TBC1D14: variants seen among roughly 807,000 people sequenced by gnomAD.
TBC1D14 encodes the protein TBC1 domain family member 14, also known as TBC1 domain family, member 14.
A neutral mutation model predicts 79.0 loss-of-function variants in TBC1D14; 26 were observed. That is an observed-to-expected ratio of 0.33 (90% CI 0.24 to 0.46). TBC1D14 has a LOEUF of 0.46. Among genes scored for constraint, TBC1D14 ranks in the 20% least tolerant of loss-of-function variants. TBC1D14 has a pLI of 1.00. For synonymous variants in TBC1D14, 394 were observed against 349.9 expected, an observed-to-expected ratio of 1.13 and a Z score of -1.40; for missense variants, 769 against 887.6, an observed-to-expected ratio of 0.87 and a Z score of 1.70.
chr4:6,953,454 T>C (rs1714286498), intron 2 of TBC1D14, among the ~76,000 whole-genome samples: 1 of 38,794 alleles, frequency 2.6e-5, no homozygotes, highest in African/African-American at 1.0e-4. Context: ...ACCCCGTCTC[T>C]ACTAAAAAAA....
At chr4:7,012,582 G>A (rs1157165111) in intron 11 of TBC1D14, among the ~76,000 whole-genome samples, 1 of 152,200 alleles carries the variant, frequency 6.6e-6, no homozygotes, top group Non-Finnish European at 1.5e-5. Flanking sequence ...AATTTGGTAA[G>A]TGATCAGTAG....
chr4:6,970,278 C>G (rs921689056), intron 3 of TBC1D14, among the ~76,000 whole-genome samples: 1 of 152,236 alleles, frequency 6.6e-6, no homozygotes, highest in African/African-American at 2.4e-5. Context: ...CCCAGCTCTG[C>G]TACGGTTTGG....
intron 2 of TBC1D14, among the ~76,000 whole-genome samples, chr4:6,932,117 C>T (rs1002692868): frequency 8.6e-5 from 13 of 151,930 alleles, no homozygotes; most frequent in Non-Finnish European, 1.5e-4. Context: ...CCCAGCACTT[C>T]GGGAGACCAA....
chr4:7,006,497 G>A, intron 8 of TBC1D14, 135 bp from the exon 9 acceptor site: 2 of 625,850 alleles, frequency 3.2e-6, no homozygotes, highest in South Asian at 4.1e-5. Context: ...TGCACTCTGA[G>A]TCAAGATGTG....
intron 2 of TBC1D14, among the ~76,000 whole-genome samples, chr4:6,943,260 T>G (rs1442440485): frequency 2.0e-5 from 3 of 152,208 alleles, no homozygotes; most frequent in Non-Finnish European, 4.4e-5. Flanking sequence ...GAAAGAGGAC[T>G]GCGCCCAGGA....
At chr4:6,954,149 G>T in intron 2 of TBC1D14, 1 of 628,424 alleles carries the variant, frequency 1.6e-6, no homozygotes. Flanking sequence ...GCTGGGTCCA[G>T]CTTGCCTTCA....
intron 1 of TBC1D14, among the ~76,000 whole-genome samples, chr4:6,913,356 T>A (rs1278189917): frequency 6.6e-6 from 1 of 152,228 alleles, no homozygotes; most frequent in Non-Finnish European, 1.5e-5. Context: ...TAAGAATGGT[T>A]AAGTGTTCAG....
intron 2 of TBC1D14, among the ~76,000 whole-genome samples, chr4:6,939,744 T>C: frequency 4.1e-5 from 1 of 24,470 alleles, no homozygotes; most frequent in South Asian, 1.4e-3. Context: ...AGGAGAGGGG[T>C]GGGGGTGGGG....
chr4:7,012,112 T>C (rs908093887), intron 11 of TBC1D14, among the ~76,000 whole-genome samples: 1 of 151,860 alleles, frequency 6.6e-6, no homozygotes, highest in Middle Eastern at 3.4e-3. Context: ...GAGGCCTGGC[T>C]AACACAGTGA....
intron 11 of TBC1D14, among the ~76,000 whole-genome samples, chr4:7,011,386 G>T (rs1440294690): frequency 3.3e-5 from 5 of 152,126 alleles, no homozygotes; most frequent in African/African-American, 9.7e-5. Context: ...CCTCTGCGCA[G>T]TTCAGGTGAG....
chr4:7,024,944 C>T, intron 12 of TBC1D14, 60 bp from the exon 13 acceptor site: 1 of 1,593,004 alleles, frequency 6.3e-7, no homozygotes, highest in Admixed American at 1.7e-5. Context: ...CTGGAATTCA[C>T]TGTTCTTTCT....
At chr4:7,004,947 C>A (rs377766550) in intron 8 of TBC1D14, 23 bp downstream of exon 8, 2 of 1,599,758 alleles carry the variant, frequency 1.3e-6, no homozygotes, top group Non-Finnish European at 1.7e-6. Flanking sequence ...CTAAAACCAG[C>A]GGACTGCTGT....
intron 3 of TBC1D14, among the ~76,000 whole-genome samples, chr4:6,979,151 C>T (rs1416432799): frequency 2.0e-5 from 3 of 151,638 alleles, no homozygotes; most frequent in African/African-American, 7.3e-5. Context: ...AAATGGAGTT[C>T]TAAAAAAAGT....
At chr4:6,942,291 T>C (rs923894726) in intron 2 of TBC1D14, among the ~76,000 whole-genome samples, 5 of 152,226 alleles carry the variant, frequency 3.3e-5, no homozygotes, top group African/African-American at 1.2e-4. Context: ...TCTTACTAGA[T>C]TGCCACATCA....
intron 1 of TBC1D14, among the ~76,000 whole-genome samples, chr4:6,921,291 ACCT>A (rs1723835861): frequency 2.6e-5 from 4 of 151,536 alleles, no homozygotes; most frequent in African/African-American, 9.7e-5. Context: ...TGCAGTCTTG[ACCT>A]CCTGGGCGGG....
intron 2 of TBC1D14, among the ~76,000 whole-genome samples, chr4:6,950,659 G>C (rs951661772): frequency 6.6e-6 from 1 of 151,988 alleles, no homozygotes; most frequent in African/African-American, 2.4e-5. Context: ...TTTATTAAAT[G>C]CTTTTTTCCT....
intron 5 of TBC1D14, among the ~76,000 whole-genome samples, chr4:6,998,058 C>G (rs1203617839): frequency 6.6e-6 from 1 of 152,246 alleles, no homozygotes; most frequent in Admixed American, 6.5e-5. Flanking sequence ...TTTCTCAGAG[C>G]TGCTATTTGT....
intron 1 of TBC1D14, among the ~76,000 whole-genome samples, chr4:6,919,436 A>G (rs1260207419): frequency 6.6e-6 from 1 of 151,666 alleles, no homozygotes; most frequent in African/African-American, 2.4e-5. Flanking sequence ...GTGAGCCACC[A>G]TGCTGGCCTA....
chr4:6,978,429 C>G (rs1033741670), intron 3 of TBC1D14, among the ~76,000 whole-genome samples: 1 of 150,450 alleles, frequency 6.6e-6, no homozygotes, highest in Non-Finnish European at 1.5e-5. Context: ...TCCTGTTGAT[C>G]TGTGACCTTA....
Sources: allele counts gnomAD v4.1 joint callset (sites outside exome capture counted in the v4.1 genomes callset), GRCh38; gene constraint gnomAD v4.1.1; transcripts MANE v1.5; gene names NCBI Gene and HGNC (gene_info 2026-07-23, HGNC 2026-07-21).